N4BP1: variants seen among roughly 807,000 people sequenced by gnomAD.
The protein encoded by N4BP1 is NEDD4-binding protein 1.
N4BP1 carries 21 observed loss-of-function variants against 70.9 expected under a neutral mutation model. The ratio of observed to expected loss-of-function variants is 0.30; its 90% CI spans 0.21 to 0.43. N4BP1 has a LOEUF of 0.43. Ranked by LOEUF, N4BP1 falls within the 20% of genes least tolerant of loss-of-function variation. The pLI is 1.00. For missense variants in N4BP1, 936 were observed against 1,069.4 expected, an observed-to-expected ratio of 0.88 and a Z score of 1.74; for synonymous variants, 387 against 394.6, an observed-to-expected ratio of 0.98 and a Z score of 0.23.
chr16:48,549,894 G>A (rs1466011270), intron 4 of N4BP1, among the ~76,000 whole-genome samples: 1 of 152,166 alleles, frequency 6.6e-6, no homozygotes, highest in Non-Finnish European at 1.5e-5. Flanking sequence ...AAAACACCAG[G>A]GTTGTTGTTA....
chr16:48,559,906 A>G (rs1597095477), intron 2 of N4BP1, among the ~76,000 whole-genome samples: 1 of 152,300 alleles, frequency 6.6e-6, no homozygotes, highest in Non-Finnish European at 1.5e-5. Context: ...GGTTTTGAAA[A>G]CTGAAGGCAG....
At chr16:48,605,539 C>G (rs1293398965) in intron 1 of N4BP1, among the ~76,000 whole-genome samples, 2 of 152,218 alleles carry the variant, frequency 1.3e-5, no homozygotes, top group African/African-American at 4.8e-5. Flanking sequence ...TCTTCCAGCA[C>G]TGACTTCTTT....
intron 1 of N4BP1, 114 bp downstream of exon 1, chr16:48,609,661 C>T (rs1964646509): frequency 3.2e-6 from 3 of 948,970 alleles, no homozygotes; most frequent in South Asian, 3.9e-5. Context: ...GCTCCCGAGA[C>T]TGCGTTCCCA....
intron 1 of N4BP1, among the ~76,000 whole-genome samples, chr16:48,609,459 G>A (rs566238859): frequency 6.7e-6 from 1 of 148,264 alleles, no homozygotes; most frequent in South Asian, 2.1e-4. Context: ...CAGGCGACAT[G>A]CGCAGCGCAC....
chr16:48,569,360 T>C (rs1963984654), intron 1 of N4BP1, among the ~76,000 whole-genome samples: 1 of 152,180 alleles, frequency 6.6e-6, no homozygotes. Context: ...GGTTCCAATA[T>C]CAGTTCAGTT....
rs1305956412 is a variant in N4BP1 at position 48,543,270 on chromosome 16, G to T, written c.2334-9C>A. The stretch of plus-strand genomic sequence containing the variant: ...GTAGGGGCTGCATATCTCTGTGAAT[G>T]GAAGTGAGTCCTGGTGAGTTGGGTT... On this transcript the variant is annotated splice_polypyrimidine_tract_variant and intron_variant, in intron 6 of 6. Transcript: ENST00000262384. 2.0e-6 allele frequency: 3 copies of T among 1,504,634 alleles called. No homozygotes were observed. The highest frequency in any genetic ancestry group is 2.7e-6 in the Non-Finnish European group (3 of 1,126,618). The allele number at this position is 1,504,634 out of a possible 1,614,324, so 93.2% of individuals were successfully genotyped here.
chr16:48,563,752 A>C (rs1963896893), intron 1 of N4BP1, among the ~76,000 whole-genome samples: 1 of 152,216 alleles, frequency 6.6e-6, no homozygotes, highest in South Asian at 2.1e-4. Flanking sequence ...GATCTAATAG[A>C]ACAAGTGAAT....
intron 1 of N4BP1, among the ~76,000 whole-genome samples, chr16:48,586,618 A>ACCCCACAAATCCC: frequency 6.6e-6 from 1 of 152,324 alleles, no homozygotes; most frequent in Admixed American, 6.5e-5. Flanking sequence ...TCAGCCAGTA[A>ACCCCACAAATCCC]TTTATCCTTT....
intron 1 of N4BP1, among the ~76,000 whole-genome samples, chr16:48,595,614 A>G (rs919368543): frequency 1.9e-4 from 29 of 152,230 alleles, no homozygotes; most frequent in Middle Eastern, 3.4e-3. Flanking sequence ...TTTTTAACTT[A>G]TGGTGATATA....
intron 1 of N4BP1, among the ~76,000 whole-genome samples, chr16:48,589,661 T>C (rs1443395547): frequency 6.6e-6 from 1 of 152,172 alleles, no homozygotes; most frequent in African/African-American, 2.4e-5. Flanking sequence ...AGAAAATCGA[T>C]TTATAGCCCA....
chr16:48,591,995 G>A (rs980444556), intron 1 of N4BP1, among the ~76,000 whole-genome samples: 1 of 151,882 alleles, frequency 6.6e-6, no homozygotes, highest in Non-Finnish European at 1.5e-5. Context: ...TTAAGGGATG[G>A]CTAATAACAG....
At chr16:48,601,507 A>G (rs1964498246) in intron 1 of N4BP1, among the ~76,000 whole-genome samples, 1 of 152,248 alleles carries the variant, frequency 6.6e-6, no homozygotes, top group South Asian at 2.1e-4. Flanking sequence ...TGATTCAAGA[A>G]TGGATAAAGA....
Position 48,561,864 on chromosome 16 carries a change from T to C in N4BP1, c.779A>G (p.Asp260Gly), listed in dbSNP as rs762761520. 1.4e-5 allele frequency: 22 copies of C among 1,613,782 alleles called. 1 individual carries two copies. Among genetic ancestry groups the C allele is most frequent in the Admixed American group, 3.3e-5 (2 of 59,986 alleles). ...ACCATTTATTGGATCAAAAAGCACATCTGGTGAGCTAGAAAGGACTGTGTC... is the reference window on the plus strand; with the variant it reads ...ACCATTTATTGGATCAAAAAGCACACCTGGTGAGCTAGAAAGGACTGTGTC... ...QMDTVLSSSPDVLFDPINGLT... is the reference protein window; with the variant it reads ...QMDTVLSSSPGVLFDPINGLT... The change falls in exon 2 of 7, where the codon GAT (aspartate) becomes GGT (glycine). Residue 260 changes from aspartate (D) to glycine (G), a missense_variant. Asp to Gly is a moderately conservative substitution (Grantham distance 94). This residue lies in a region of N4BP1 where 515 missense variants were observed against 491.7 expected (regional missense o/e 1.05). Coordinates refer to ENST00000262384, the MANE Select transcript of N4BP1 (RefSeq NM_153029.4).
At chr16:48,582,465 C>T (rs1964186894) in intron 1 of N4BP1, among the ~76,000 whole-genome samples, 1 of 152,038 alleles carries the variant, frequency 6.6e-6, no homozygotes, top group African/African-American at 2.4e-5. Context: ...CCTTATTTTA[C>T]TTAATAACGA....
chr16:48,583,150 C>A (rs930486207), intron 1 of N4BP1, among the ~76,000 whole-genome samples: 1 of 152,040 alleles, frequency 6.6e-6, no homozygotes, highest in Non-Finnish European at 1.5e-5. Context: ...CCCTTGGTGT[C>A]CGCAGGGGAT....
At position 48,562,018 on chromosome 16, in the gene N4BP1, C is replaced by A; in HGVS notation, c.625G>T (p.Asp209Tyr). 6.2e-7 allele frequency: 1 copy of A among 1,613,858 alleles called. No individual in the cohort carries two copies. The highest frequency in any genetic ancestry group is 8.5e-7 in the Non-Finnish European group (1 of 1,179,872). ...TGDDEVIEMR[D>Y]SQQTEFTQNA... ...TGTGTAAACTCTGTTTGTTGAGAAT[C>A]TCTCATTTCAATAACCTCATCATCT... is the stretch of plus-strand genomic sequence containing the variant. Residue 209 changes from aspartate (D) to tyrosine (Y), a missense_variant, in exon 2 of 7, where the codon GAT (aspartate) becomes TAT (tyrosine). Around this residue, in one of 4 missense-constraint regions of N4BP1, gnomAD observed 515 missense variants for 491.7 expected, o/e 1.05. Coordinates refer to ENST00000262384, the MANE Select transcript of N4BP1 (RefSeq NM_153029.4).
At chr16:48,605,565 C>T (rs79955799) in intron 1 of N4BP1, among the ~76,000 whole-genome samples, 197 of 152,282 alleles carry the variant, frequency 1.3e-3, no homozygotes, top group African/African-American at 4.7e-3. Flanking sequence ...CTCTCTGGGC[C>T]CCCTATGGAC....
chr16:48,551,972 G>A (rs926265834), intron 3 of N4BP1, among the ~76,000 whole-genome samples: 7 of 152,040 alleles, frequency 4.6e-5, no homozygotes, highest in Admixed American at 4.6e-4. Context: ...GAGCTGAGAC[G>A]GCACTGCTGC....
chr16:48,559,610 T>C (rs1345241294), intron 2 of N4BP1: 3 of 152,242 alleles, frequency 2.0e-5, no homozygotes, highest in Non-Finnish European at 4.4e-5. Flanking sequence ...GCAGCCAAGC[T>C]TCAGCCAATC....
Sources: allele counts gnomAD v4.1 joint callset (sites outside exome capture counted in the v4.1 genomes callset), GRCh38; gene constraint gnomAD v4.1.1; regional missense constraint gnomAD v4.1.1; transcripts MANE v1.5; gene names NCBI Gene and HGNC (gene_info 2026-07-23, HGNC 2026-07-21).